ANP32A: variants seen among roughly 807,000 people sequenced by gnomAD.
ANP32A encodes the protein acidic leucine-rich nuclear phosphoprotein 32 family member A.
Under a neutral mutation model 33.9 loss-of-function variants are expected in ANP32A, and 1 was observed. The observed-to-expected ratio is 0.03, with a 90% CI of 0.01 to 0.14. ANP32A has a LOEUF of 0.14. Among genes scored for constraint, ANP32A ranks in the 10% least tolerant of loss-of-function variants. The pLI is 1.00. For synonymous variants in ANP32A, 115 were observed against 120.5 expected (o/e 0.95, Z 0.30); for missense variants, 155 against 306.0 (o/e 0.51, Z 3.68).
In ANP32A at chr15:68,787,554, G is replaced by C. The variant is rs1216448759; in HGVS notation, c.205-19C>G. ...GTTCAAGCTAAATAAGGCAGGGAAA[G>C]AAAAAGCAGAAACAGCTTTTAAAAT... On this transcript the variant is annotated intron_variant, in intron 2 of 6. Transcript: ENST00000465139. The C allele has an allele frequency of 6.2e-7, 1 of 1,613,860 alleles. No individual in the cohort carries two copies. Among genetic ancestry groups the C allele is most frequent in the East Asian group, 2.2e-5 (1 of 44,890 alleles).
chr15:68,788,275 C>G (rs1230533925), intron 1 of ANP32A, among the ~76,000 whole-genome samples: 2 of 152,312 alleles, frequency 1.3e-5, no homozygotes, highest in East Asian at 3.9e-4. Context: ...CTCGCATTCT[C>G]CCAAAACCCA....
rs1893856378 is a variant in ANP32A, at chr15:68,780,673, G to A, written c.625-200C>T. On this transcript the variant is annotated intron_variant, in intron 5 of 6. Coordinates refer to ENST00000465139, the MANE Select transcript of ANP32A (RefSeq NM_006305.4). This position sits in a 1 kb window ranked among gnomAD's most constrained non-coding sequence, Gnocchi z 4.3. ...GGACTCATTGGGAAATCTGCAGAAA[G>A]CTTTGAACTCCTTCTCCAGAAAATG... The A allele has an allele frequency of 2.5e-6, 2 of 810,822 alleles. No individual in the cohort carries two copies. Among genetic ancestry groups the A allele is most frequent in the Non-Finnish European group, 3.6e-6 (2 of 554,496 alleles). The allele number at this position is 810,822 out of a possible 1,614,324, so 50.2% of individuals were successfully genotyped here.
intron 1 of ANP32A, among the ~76,000 whole-genome samples, chr15:68,816,199 C>T (rs1894378868): frequency 6.6e-6 from 1 of 152,124 alleles, no homozygotes; most frequent in African/African-American, 2.4e-5. Context: ...CATTCTCTTT[C>T]TACGGTGGCA....
intron 1 of ANP32A, chr15:68,818,309 G>A: frequency 8.3e-6 from 2 of 240,294 alleles, no homozygotes; most frequent in Non-Finnish European, 1.8e-5. Context: ...GTTGGGAGAG[G>A]TGCCGAAGGT....
chr15:68,802,222 T>A (rs1018491719), intron 1 of ANP32A, among the ~76,000 whole-genome samples: 55 of 152,146 alleles, frequency 3.6e-4, no homozygotes, highest in African/African-American at 1.3e-3. Context: ...ATATATAAGA[T>A]ATACAGTTAA....
intron 3 of ANP32A, among the ~76,000 whole-genome samples, chr15:68,785,039 G>C (rs1464006459): frequency 6.6e-6 from 1 of 152,144 alleles, no homozygotes; most frequent in African/African-American, 2.4e-5. Flanking sequence ...ATGATGATAA[G>C]GGCGGTTAAC....
At chr15:68,790,693 C>T (rs1285899067) in intron 1 of ANP32A, 1 of 152,046 alleles carries the variant, frequency 6.6e-6, no homozygotes, top group East Asian at 1.9e-4. Context: ...TCCTAAAATC[C>T]CAAAAGAAGG....
intron 1 of ANP32A, among the ~76,000 whole-genome samples, chr15:68,817,035 T>C (rs1894391605): frequency 6.6e-6 from 1 of 152,244 alleles, no homozygotes; most frequent in Admixed American, 6.5e-5. Context: ...AGGCAGCCTC[T>C]GCTGGACACT....
intron 1 of ANP32A, among the ~76,000 whole-genome samples, chr15:68,804,853 GA>G (rs1227966697): frequency 6.6e-6 from 1 of 152,246 alleles, no homozygotes; most frequent in Non-Finnish European, 1.5e-5. Flanking sequence ...CAGTGGGCAT[GA>G]AATTATCCAG....
chr15:68,814,520 T>TGCA (rs771460359), intron 1 of ANP32A, among the ~76,000 whole-genome samples: 1 of 151,424 alleles, frequency 6.6e-6, no homozygotes, highest in East Asian at 1.9e-4. Flanking sequence ...AGGCTGGTGG[T>TGCA]GCAGCAGCAG....
At chr15:68,817,074 CCA>C (rs1196712012) in intron 1 of ANP32A, among the ~76,000 whole-genome samples, 2 of 152,328 alleles carry the variant, frequency 1.3e-5, no homozygotes, top group East Asian at 3.9e-4. Context: ...TGCACAGATA[CCA>C]GAGTTCAGCT....
At position 68,815,408 on chromosome 15, in the gene ANP32A, A is replaced by ATT. The variant is rs139260553; in HGVS notation, c.54+5288_54+5289dup. On this transcript the variant is annotated intron_variant, in intron 1 of 6. Coordinates refer to ENST00000465139, the MANE Select transcript of ANP32A (RefSeq NM_006305.4). Reference sequence around the variant, plus strand: ...TAAAGTTCAGAATATATTGAGTACAATTTTTTTTTTGTAACGAGATCTGTT... The same window carrying ATT: ...TAAAGTTCAGAATATATTGAGTACAATTTTTTTTTTTTGTAACGAGATCTGTT... Among the ~76,000 whole-genome samples, 1,092 of 150,388 alleles carry ATT rather than the reference A, an allele frequency of 7.3e-3. 14 individuals carry two copies. Among genetic ancestry groups the ATT allele is most frequent in the African/African-American group, 0.025 (1,027 of 41,072 alleles).
At chr15:68,814,482 G>A (rs924460117) in intron 1 of ANP32A, among the ~76,000 whole-genome samples, 1 of 152,048 alleles carries the variant, frequency 6.6e-6, no homozygotes, top group Admixed American at 6.5e-5. Flanking sequence ...ATGGCCAACT[G>A]TGTAAGTCTA....
At chr15:68,798,515 C>T (rs1894091038) in intron 1 of ANP32A, among the ~76,000 whole-genome samples, 1 of 152,188 alleles carries the variant, frequency 6.6e-6, no homozygotes, top group Non-Finnish European at 1.5e-5. Context: ...ATTGATGAAG[C>T]TGGGTGGAAA....
intron 1 of ANP32A, chr15:68,791,918 T>G (rs1409701570): frequency 2.0e-5 from 3 of 152,682 alleles, no homozygotes; most frequent in Admixed American, 2.0e-4. Flanking sequence ...AAAACAAAAA[T>G]GTCAGCCCAA....
intron 1 of ANP32A, among the ~76,000 whole-genome samples, chr15:68,808,280 A>G (rs1039915470): frequency 6.6e-6 from 1 of 152,170 alleles, no homozygotes; most frequent in Non-Finnish European, 1.5e-5. Context: ...GTTCAGGCAG[A>G]GCCTGGGTAT....
At position 68,810,781 on chromosome 15, in the gene ANP32A, C is replaced by T. The variant is rs758018842; in HGVS notation, c.54+9917G>A. On this transcript the variant is annotated intron_variant, in intron 1 of 6. Coordinates refer to ENST00000465139, the MANE Select transcript of ANP32A (RefSeq NM_006305.4). Reference sequence around the variant, plus strand: ...AAAGTCAAGAATGCTGAATCCCAGCCGGGCGCAGTGGCTCACGCCTGTAAT... The same window carrying T: ...AAAGTCAAGAATGCTGAATCCCAGCTGGGCGCAGTGGCTCACGCCTGTAAT... 3.6e-4 allele frequency among the ~76,000 whole-genome samples: 54 copies of T among 151,992 alleles called. 1 individual carries two copies. The highest frequency in any genetic ancestry group is 7.2e-4 in the Non-Finnish European group (49 of 67,992).
intron 5 of ANP32A, among the ~76,000 whole-genome samples, chr15:68,782,018 T>C (rs568526087): frequency 6.6e-6 from 1 of 152,242 alleles, no homozygotes; most frequent in African/African-American, 2.4e-5. Flanking sequence ...GCATCCTCCA[T>C]TGAGGGAGAC....
At chr15:68,805,532 A>G (rs748379640) in intron 1 of ANP32A, among the ~76,000 whole-genome samples, 5 of 152,244 alleles carry the variant, frequency 3.3e-5, no homozygotes, top group Non-Finnish European at 7.3e-5. Flanking sequence ...GCTGGAGCCC[A>G]AGGCTGGTGT....
Sources: allele counts gnomAD v4.1 joint callset (sites outside exome capture counted in the v4.1 genomes callset), GRCh38; gene constraint gnomAD v4.1.1; non-coding constraint Gnocchi (gnomAD v3.1); transcripts MANE v1.5; gene names NCBI Gene and HGNC (gene_info 2026-07-23, HGNC 2026-07-21).